Variants in GRID2 observed in about 807,000 individuals in gnomAD.
GRID2 encodes glutamate receptor ionotropic, delta-2.
Under a neutral mutation model 114.8 loss-of-function variants are expected in GRID2, and 33 were observed. The ratio of observed to expected loss-of-function variants is 0.29; its 90% CI spans 0.22 to 0.38. The LOEUF (loss-of-function observed/expected upper bound fraction) is 0.38, where lower values mean the gene tolerates loss of function less well. Ranked by LOEUF, GRID2 falls within the 10% of genes least tolerant of loss-of-function variation. The probability of loss-of-function intolerance (pLI) is 1.00; values close to 1 mark genes in which losing one functional copy is unlikely to be tolerated. For synonymous variants in GRID2, 505 were observed against 449.9 expected, an observed-to-expected ratio of 1.12 and a Z score of -1.55; for missense variants, 1,184 against 1,257.7, an observed-to-expected ratio of 0.94 and a Z score of 0.89.
intron 8 of GRID2, among the ~76,000 whole-genome samples, chr4:93,319,283 G>A (rs1433466779): frequency 6.6e-6 from 1 of 152,100 alleles, no homozygotes; most frequent in Non-Finnish European, 1.5e-5. Flanking sequence ...TAGTGACTCA[G>A]TAGATAAGAA....
At chr4:92,429,730 G>A (rs532132739) in intron 1 of GRID2, among the ~76,000 whole-genome samples, 6 of 152,216 alleles carry the variant, frequency 3.9e-5, no homozygotes, top group Non-Finnish European at 8.8e-5. Context: ...AAGTGTACAA[G>A]CATTCTGTGT....
At chr4:92,658,715 T>A (rs1220740200) in intron 2 of GRID2, among the ~76,000 whole-genome samples, 1 of 151,310 alleles carries the variant, frequency 6.6e-6, no homozygotes, top group African/African-American at 2.4e-5. Flanking sequence ...GAATGCTTAC[T>A]CATTTACACC....
chr4:93,175,139 CATT>C (rs1470970278), intron 4 of GRID2, among the ~76,000 whole-genome samples: 1 of 150,146 alleles, frequency 6.7e-6, no homozygotes, highest in African/African-American at 2.5e-5. Flanking sequence ...TCAATGTTAT[CATT>C]GTTTTTTTAT....
chr4:93,317,912 G>C (rs914071631), intron 8 of GRID2, among the ~76,000 whole-genome samples: 1 of 146,614 alleles, frequency 6.8e-6, no homozygotes, highest in Non-Finnish European at 1.5e-5. Context: ...TTAAACAATT[G>C]GAAGAATGGG....
chr4:92,573,734 A>G (rs1379289260), intron 1 of GRID2, among the ~76,000 whole-genome samples: 2 of 152,114 alleles, frequency 1.3e-5, no homozygotes. Context: ...ACTTCCAATT[A>G]TGTGATTGAT....
intron 2 of GRID2, among the ~76,000 whole-genome samples, chr4:92,967,494 A>AT (rs1349205041): frequency 4.0e-5 from 6 of 151,294 alleles, no homozygotes; most frequent in Non-Finnish European, 5.9e-5. Flanking sequence ...TATATGTGTC[A>AT]TTTTTTTAAA....
At chr4:93,349,558 T>A (rs1219056264) in intron 8 of GRID2, among the ~76,000 whole-genome samples, 2 of 151,838 alleles carry the variant, frequency 1.3e-5, no homozygotes, top group Non-Finnish European at 2.9e-5. Flanking sequence ...TTTAGCAGAG[T>A]TTTGCACATA....
intron 1 of GRID2, among the ~76,000 whole-genome samples, chr4:92,511,722 A>G (rs1303387990): frequency 1.3e-5 from 2 of 151,926 alleles, no homozygotes; most frequent in Non-Finnish European, 2.9e-5. Flanking sequence ...GATAGTAGGA[A>G]CAAGCAAATC....
At chr4:92,723,077 T>A (rs1267946535) in intron 2 of GRID2, among the ~76,000 whole-genome samples, 1 of 152,066 alleles carries the variant, frequency 6.6e-6, no homozygotes, top group African/African-American at 2.4e-5. Context: ...GTTGATTTTA[T>A]AATATGAATA....
intron 2 of GRID2, among the ~76,000 whole-genome samples, chr4:92,969,784 A>G (rs1399870439): frequency 6.6e-6 from 1 of 151,888 alleles, no homozygotes; most frequent in African/African-American, 2.4e-5. Context: ...TACTATTCCT[A>G]GTACCAATAG....
At chr4:93,802,393 T>A (rs1342470795) in intron 1 of GRID2, among the ~76,000 whole-genome samples, 1 of 151,752 alleles carries the variant, frequency 6.6e-6, no homozygotes. Context: ...TGTGTGTGTG[T>A]GAGTGTGTGT....
chr4:93,791,713 T>TC (rs1734697254), intron 1 of GRID2, among the ~76,000 whole-genome samples: 1 of 152,072 alleles, frequency 6.6e-6, no homozygotes, highest in Non-Finnish European at 1.5e-5. Context: ...CTCCAAATGC[T>TC]CACCAGGAAA....
chr4:93,704,425 A>G lies in GRID2; in HGVS notation c.2361-64785A>G, dbSNP rs528810781. ...TTTGTCAGATGAGTAGGTTGCAAAA[A>G]TTTTCTCCCATTCTGTAGGTTGCCT... On this transcript the variant is annotated intron_variant, in intron 14 of 15. Coordinates refer to ENST00000282020, the MANE Select transcript of GRID2 (RefSeq NM_001510.4). Among the ~76,000 whole-genome samples the G allele has an allele frequency of 1.6e-4, 24 of 151,540 alleles. No individual in the cohort carries two copies. The East Asian group carries it at 4.7e-3, about 30-fold the overall frequency.
intron 2 of GRID2, among the ~76,000 whole-genome samples, chr4:93,041,977 A>C (rs1323325577): frequency 6.6e-6 from 1 of 151,982 alleles, no homozygotes; most frequent in Non-Finnish European, 1.5e-5. Context: ...GTCTCGACTC[A>C]CTGCAACCTC....
chr4:93,526,054 T>C (rs1365352165), intron 13 of GRID2, among the ~76,000 whole-genome samples: 1 of 152,226 alleles, frequency 6.6e-6, no homozygotes, highest in African/African-American at 2.4e-5. Flanking sequence ...ATTATAATCC[T>C]ACTGATACCA....
intron 2 of GRID2, among the ~76,000 whole-genome samples, chr4:92,608,696 G>T (rs1729577112): frequency 6.6e-6 from 1 of 151,712 alleles, no homozygotes; most frequent in African/African-American, 2.4e-5. Context: ...TCAATATCAT[G>T]TACTGTGGTT....
At chr4:93,366,538 G>A (rs1272491923) in intron 8 of GRID2, among the ~76,000 whole-genome samples, 2 of 152,046 alleles carry the variant, frequency 1.3e-5, no homozygotes, top group East Asian at 3.9e-4. Context: ...TTTCACCTGG[G>A]TCCTGTGGTC....
At chr4:92,993,409 CT>C (rs1755022584) in intron 2 of GRID2, among the ~76,000 whole-genome samples, 1 of 152,014 alleles carries the variant, frequency 6.6e-6, no homozygotes, top group Non-Finnish European at 1.5e-5. Flanking sequence ...TACCTCACCT[CT>C]GTTTCTTACC....
At chr4:93,648,928 A>G (rs1044412856) in intron 14 of GRID2, among the ~76,000 whole-genome samples, 3 of 152,168 alleles carry the variant, frequency 2.0e-5, no homozygotes, top group African/African-American at 4.8e-5. Context: ...CTTGCAAAAC[A>G]TCACTGAGAG....
Sources: gnomAD v4.1 joint callset for allele counts (sites outside exome capture counted in the v4.1 genomes callset) on GRCh38, gnomAD v4.1.1 for gene constraint, MANE v1.5 for transcripts, NCBI Gene and HGNC (gene_info 2026-07-23, HGNC 2026-07-21) for gene names.